Variants in ECHDC3 observed in about 807,000 individuals in gnomAD.
ECHDC3 encodes the protein enoyl-CoA hydratase domain-containing protein 3, mitochondrial.
In ECHDC3, 20 loss-of-function variants were observed where a neutral mutation model predicts 17.9. The ratio of observed to expected loss-of-function variants is 1.12; its 90% CI spans 0.79 to 1.63. The LOEUF (loss-of-function observed/expected upper bound fraction) is 1.63, where lower values mean the gene tolerates loss of function less well. Among genes scored for constraint, ECHDC3 ranks in the 40% most tolerant of loss-of-function variants. The pLI, the probability that ECHDC3 is intolerant of heterozygous loss-of-function variation, is 0.00. For synonymous variants in ECHDC3, 177 were observed against 149.7 expected (o/e 1.18, Z -1.33); for missense variants, 407 against 357.7 (o/e 1.14, Z -1.11).
intron 1 of ECHDC3, 117 bp from the exon 2 acceptor site, chr10:11,747,232 C>A: frequency 7.4e-7 from 1 of 1,349,986 alleles, no homozygotes. Flanking sequence ...GCACTAAGCC[C>A]CAGCAGTTCT....
rs1564284341 is a variant in ECHDC3 at position 11,755,461 on chromosome 10, C to T, written c.444C>T (p.Gly148=). 13 of 1,613,892 alleles carry T rather than the reference C, an allele frequency of 8.1e-6. No homozygotes were observed. The highest frequency in any genetic ancestry group is 1.0e-5 in the Non-Finnish European group (12 of 1,180,006). The change falls in exon 4 of 5, where the codon GGC becomes GGT. Residue 148 remains glycine, a synonymous_variant. Coordinates refer to ENST00000379215, the MANE Select transcript of ECHDC3 (RefSeq NM_024693.5). The part of the protein sequence containing the change: ...HPVPVIAMVN[G]LAAAAGCQLV... ...TTCCCGTCATTGCCATGGTCAATGG[C>T]CTGGCCGCGGCTGCCGGCTGTCAAC...
intron 1 of ECHDC3, 68 bp downstream of exon 1, chr10:11,742,814 C>T (rs1832711370): frequency 1.6e-6 from 2 of 1,221,358 alleles, no homozygotes; most frequent in East Asian, 3.3e-5. Context: ...GCCATTGACC[C>T]GGGGAGGACC....
intron 3 of ECHDC3, among the ~76,000 whole-genome samples, chr10:11,750,301 T>A (rs1235703250): frequency 5.8e-4 from 89 of 152,140 alleles, no homozygotes; most frequent in Non-Finnish European, 4.4e-5. Context: ...TTTAAAAGAT[T>A]TTAAACTAAA....
chr10:11,755,775 G>T, intron 4 of ECHDC3, 167 bp downstream of exon 4: 1 of 624,566 alleles, frequency 1.6e-6, no homozygotes, highest in Non-Finnish European at 2.6e-6. Context: ...TCTAATGGCA[G>T]GGAGGGAAGA....
At chr10:11,754,748 T>A (rs1374982366) in intron 3 of ECHDC3, among the ~76,000 whole-genome samples, 2 of 152,340 alleles carry the variant, frequency 1.3e-5, no homozygotes, top group African/African-American at 4.8e-5. Context: ...ACACTCTTCT[T>A]CAGCACATTT....
At position 11,749,567 on chromosome 10, in the gene ECHDC3, C is replaced by A. The variant is rs1832800937; in HGVS notation, c.365C>A (p.Ala122Asp). 3 of 1,614,036 alleles carry A rather than the reference C, an allele frequency of 1.9e-6. No homozygotes were observed. The East Asian group carries it at 6.7e-5, about 36-fold the overall frequency. Residue 122 changes from alanine to aspartate, a missense_variant, in exon 3 of 5, where the codon GCC becomes GAC. By Grantham distance (126) the Ala-to-Asp change is moderately radical (BLOSUM62 -2). Coordinates refer to ENST00000379215, the MANE Select transcript of ECHDC3 (RefSeq NM_024693.5). ...LTEEQGRDYHAEVFQTCSKVM... is the reference protein window; with the variant it reads ...LTEEQGRDYHDEVFQTCSKVM... Reference sequence around the variant, plus strand: ...GAGGAGCAAGGCCGTGATTACCATGCCGAAGTATTTCAGACCTGTTCCAAG... The same window carrying A: ...GAGGAGCAAGGCCGTGATTACCATGACGAAGTATTTCAGACCTGTTCCAAG...
chr10:11,762,803 C>T (rs922863691), intron 4 of ECHDC3, among the ~76,000 whole-genome samples: 1 of 152,116 alleles, frequency 6.6e-6, no homozygotes, highest in African/African-American at 2.4e-5. Context: ...GTGACAGCCC[C>T]GTGACTGCTT....
Position 11,742,652 on chromosome 10 carries a change from C to G in ECHDC3, c.76C>G (p.Leu26Val). ...TCTCCGGCGCGGCCCCTGGGCCCAG[C>G]TCCCCGCCCGCTTCTGCAGCCGGGA... ...MCLRRGPWAQ[L>V]PARFCSRDPA... The change falls in exon 1 of 5, where the codon CTC (leucine) becomes GTC (valine). Residue 26 changes from leucine to valine, a missense_variant. Coordinates refer to ENST00000379215, the MANE Select transcript of ECHDC3 (RefSeq NM_024693.5). 1 of 1,253,782 alleles carries G rather than the reference C, an allele frequency of 8.0e-7. No homozygotes were observed. The highest frequency in any genetic ancestry group is 1.0e-6 in the Non-Finnish European group (1 of 1,000,776). 77.7% of individuals were successfully genotyped at this position (1,253,782 alleles called of 1,614,324 possible).
chr10:11,755,861 C>G, intron 4 of ECHDC3: 1 of 451,610 alleles, frequency 2.2e-6, no homozygotes, highest in Non-Finnish European at 4.0e-6. Flanking sequence ...TTCCATCATG[C>G]GTACCCTCAG....
intron 4 of ECHDC3, among the ~76,000 whole-genome samples, chr10:11,760,636 C>T (rs1832938510): frequency 6.6e-6 from 1 of 152,176 alleles, no homozygotes; most frequent in African/African-American, 2.4e-5. Flanking sequence ...CACTTTCTGA[C>T]ATTTGGTCCC....
rs548144644 is a variant in ECHDC3 at position 11,754,918 on chromosome 10, A to G, written c.391-490A>G. On this transcript the variant is annotated intron_variant, in intron 3 of 4. Coordinates refer to ENST00000379215, the MANE Select transcript of ECHDC3 (RefSeq NM_024693.5). ...AATTACAGTGCCTGGTTCAGAGTAG[A>G]TATTTAATAGGAGTTAGTGCTTTCT... Among the ~76,000 whole-genome samples the G allele has an allele frequency of 2.6e-5, 4 of 152,342 alleles. No homozygotes were observed. The South Asian group carries it at 8.3e-4, about 32-fold the overall frequency.
chr10:11,759,611 C>A (rs1254682285), intron 4 of ECHDC3, among the ~76,000 whole-genome samples: 2 of 152,176 alleles, frequency 1.3e-5, no homozygotes, highest in Non-Finnish European at 1.5e-5. Flanking sequence ...AGACACCACA[C>A]CCATGCAAAG....
intron 4 of ECHDC3, among the ~76,000 whole-genome samples, chr10:11,758,707 C>A (rs1832912155): frequency 6.6e-6 from 1 of 152,246 alleles, no homozygotes; most frequent in African/African-American, 2.4e-5. Context: ...AGATGGGACC[C>A]ATGACCCTCA....
intron 4 of ECHDC3, among the ~76,000 whole-genome samples, chr10:11,762,044 G>A (rs1014352294): frequency 6.8e-6 from 1 of 147,616 alleles, no homozygotes; most frequent in East Asian, 2.0e-4. Context: ...ACCAGCCTGC[G>A]TAATATAGTG....
chr10:11,756,158 G>C (rs1832884762), intron 4 of ECHDC3, among the ~76,000 whole-genome samples: 1 of 152,200 alleles, frequency 6.6e-6, no homozygotes, highest in African/African-American at 2.4e-5. Context: ...AATCTCCTGT[G>C]CGTGGTATGT....
chr10:11,747,347 A>G lies in ECHDC3; in HGVS notation c.171-2A>G. 1.2e-6 allele frequency: 2 copies of G among 1,613,618 alleles called. No homozygotes were observed. The highest frequency in any genetic ancestry group is 1.7e-6 in the Non-Finnish European group (2 of 1,179,696). On this transcript the variant is annotated splice_acceptor_variant, in intron 1 of 4. Transcript: ENST00000379215. LOFTEE classifies it high-confidence loss of function. ...CCTGTGATTGTAAAATGTTCTTCAC[A>G]GGAACATCGTCTTGAGCAATCCCAA... is the stretch of plus-strand genomic sequence containing the variant.
At chr10:11,752,278 A>ATTTTTTTTTTTTT (rs58654458) in intron 3 of ECHDC3, 1 of 99,322 alleles carries the variant, frequency 1.0e-5, no homozygotes, top group Non-Finnish European at 2.0e-5. Context: ...TGCCCGGTTA[A>ATTTTTTTTTTTTT]TTTTTTTTTT....
At chr10:11,748,583 A>G (rs765068330) in intron 2 of ECHDC3, among the ~76,000 whole-genome samples, 20 of 152,158 alleles carry the variant, frequency 1.3e-4, no homozygotes, top group Non-Finnish European at 2.1e-4. Flanking sequence ...AATATTGCCT[A>G]TCAATCAAGA....
chr10:11,753,022 C>T (rs1832843905), intron 3 of ECHDC3, among the ~76,000 whole-genome samples: 1 of 152,098 alleles, frequency 6.6e-6, no homozygotes, highest in Non-Finnish European at 1.5e-5. Flanking sequence ...GCATCTTTGG[C>T]ATAGAGCTTT....
Sources: allele counts gnomAD v4.1 joint callset (sites outside exome capture counted in the v4.1 genomes callset), GRCh38; gene constraint gnomAD v4.1.1; transcripts MANE v1.5; gene names NCBI Gene and HGNC (gene_info 2026-07-23, HGNC 2026-07-21).